SPATA17: variants seen among roughly 807,000 people sequenced by gnomAD.
The protein encoded by SPATA17 is spermatogenesis associated 17, also known as spermatogenesis-associated protein 17.
In SPATA17, 53 loss-of-function variants were observed where a neutral mutation model predicts 62.2. The observed-to-expected ratio is 0.85, with a 90% CI of 0.68 to 1.07. SPATA17 has a LOEUF of 1.07. Among genes scored for constraint, SPATA17 ranks in the 50% least tolerant of loss-of-function variants. The pLI is 0.00. For missense variants in SPATA17, 466 were observed against 425.5 expected (o/e 1.10, Z -0.84); for synonymous variants, 146 against 146.8 (o/e 0.99, Z 0.04).
chr1:217,792,936 G>T (rs532265107), intron 8 of SPATA17, among the ~76,000 whole-genome samples: 1 of 152,164 alleles, frequency 6.6e-6, no homozygotes, highest in South Asian at 2.1e-4. Flanking sequence ...TATATAAGAA[G>T]CATTGCAAAT....
intron 9 of SPATA17, among the ~76,000 whole-genome samples, chr1:217,821,520 A>G (rs1674862015): frequency 1.3e-5 from 2 of 152,126 alleles, no homozygotes; most frequent in African/African-American, 4.8e-5. Flanking sequence ...GTCACTGGTT[A>G]CTTAGCAGGA....
chr1:217,804,259 T>C (rs146987032), intron 9 of SPATA17, among the ~76,000 whole-genome samples: 420 of 152,284 alleles, frequency 2.8e-3, no homozygotes, highest in African/African-American at 9.8e-3. Flanking sequence ...CACACATTTG[T>C]GCTCAATTGA....
intron 5 of SPATA17, among the ~76,000 whole-genome samples, chr1:217,734,547 C>T (rs1203533191): frequency 2.6e-5 from 4 of 152,134 alleles, no homozygotes; most frequent in Non-Finnish European, 5.9e-5. Context: ...CACACACTGA[C>T]TTTACTTGCC....
intron 8 of SPATA17, among the ~76,000 whole-genome samples, chr1:217,786,865 C>G (rs532281613): frequency 1.5e-4 from 23 of 150,244 alleles, no homozygotes; most frequent in African/African-American, 2.9e-4. Context: ...TTAACTACCA[C>G]CTCTATGCCA....
chr1:217,669,784 G>T (rs958794959), intron 4 of SPATA17, among the ~76,000 whole-genome samples: 2 of 151,994 alleles, frequency 1.3e-5, no homozygotes, highest in African/African-American at 4.8e-5. Context: ...GCAAATAATG[G>T]ATTTTATTTT....
chr1:217,844,422 G>A (rs1264449329), intron 9 of SPATA17, among the ~76,000 whole-genome samples: 1 of 151,986 alleles, frequency 6.6e-6, no homozygotes, highest in African/African-American at 2.4e-5. Flanking sequence ...CATGCACCAA[G>A]GCTCGTGGGA....
chr1:217,707,167 G>A (rs534109599), intron 5 of SPATA17, among the ~76,000 whole-genome samples: 6 of 152,134 alleles, frequency 3.9e-5, no homozygotes, highest in African/African-American at 1.4e-4. Context: ...GCCTGGCCCT[G>A]TATTTCATTG....
chr1:217,648,613 CAAAT>C (rs1670240885), intron 1 of SPATA17, among the ~76,000 whole-genome samples: 1 of 151,968 alleles, frequency 6.6e-6, no homozygotes, highest in Non-Finnish European at 1.5e-5. Context: ...AAATCACTGG[CAAAT>C]TAATTAGTTG....
chr1:217,727,264 A>ATAG (rs1351341846), intron 5 of SPATA17, among the ~76,000 whole-genome samples: 1 of 147,786 alleles, frequency 6.8e-6, no homozygotes, highest in Non-Finnish European at 1.5e-5. Context: ...AATAATAATA[A>ATAG]TAATAATAAT....
intron 3 of SPATA17, among the ~76,000 whole-genome samples, chr1:217,657,435 A>T (rs1040609775): frequency 1.3e-5 from 2 of 152,166 alleles, no homozygotes; most frequent in African/African-American, 4.8e-5. Flanking sequence ...CCAGGAATGG[A>T]CAATCACATG....
chr1:217,768,514 C>T (rs1432634623), intron 6 of SPATA17, among the ~76,000 whole-genome samples: 4 of 144,234 alleles, frequency 2.8e-5, no homozygotes, highest in Admixed American at 7.0e-5. Context: ...TTTTTTAAGA[C>T]GGAATTTCAC....
At chr1:217,737,361 G>A (rs1261485729) in intron 5 of SPATA17, among the ~76,000 whole-genome samples, 2 of 152,170 alleles carry the variant, frequency 1.3e-5, no homozygotes, top group Non-Finnish European at 2.9e-5. Flanking sequence ...GCTCAATGAT[G>A]GTTAGAAAAG....
chr1:217,773,373 C>A (rs895545234), intron 6 of SPATA17, among the ~76,000 whole-genome samples: 6 of 151,970 alleles, frequency 3.9e-5, no homozygotes, highest in African/African-American at 1.5e-4. Context: ...AATGTAACTT[C>A]TCCTTTTAAA....
chr1:217,724,893 T>A (rs1361879285), intron 5 of SPATA17, among the ~76,000 whole-genome samples: 2 of 152,148 alleles, frequency 1.3e-5, no homozygotes, highest in Non-Finnish European at 2.9e-5. Context: ...AGGAAACAAA[T>A]CCTTTATCAT....
chr1:217,704,375 C>G (rs1671684496), intron 5 of SPATA17, among the ~76,000 whole-genome samples: 1 of 150,488 alleles, frequency 6.6e-6, no homozygotes, highest in East Asian at 1.9e-4. Flanking sequence ...CTCAGCCTCC[C>G]CAGTAGCTGG....
chr1:217,797,753 T>A (rs372131105), intron 8 of SPATA17, among the ~76,000 whole-genome samples: 84 of 152,318 alleles, frequency 5.5e-4, no homozygotes, highest in African/African-American at 1.8e-3. Flanking sequence ...TCTTTGCTTG[T>A]CAAATCAAGT....
intron 9 of SPATA17, among the ~76,000 whole-genome samples, chr1:217,826,399 A>G (rs1675003340): frequency 6.6e-6 from 1 of 152,092 alleles, no homozygotes; most frequent in Non-Finnish European, 1.5e-5. Flanking sequence ...GGAGTACACA[A>G]TTTAGTCTGT....
At chr1:217,747,498 A>T (rs1672790359) in intron 6 of SPATA17, among the ~76,000 whole-genome samples, 1 of 152,184 alleles carries the variant, frequency 6.6e-6, no homozygotes. Flanking sequence ...TCAAGATCCA[A>T]ATTATAAAAG....
intron 9 of SPATA17, among the ~76,000 whole-genome samples, chr1:217,855,243 T>G (rs1024045141): frequency 1.3e-5 from 2 of 152,232 alleles, no homozygotes; most frequent in Non-Finnish European, 2.9e-5. Context: ...TTCCCTTTAG[T>G]GCCAGTTTCA....
Sources: gnomAD v4.1 joint callset for allele counts (sites outside exome capture counted in the v4.1 genomes callset) on GRCh38, gnomAD v4.1.1 for gene constraint, MANE v1.5 for transcripts, NCBI Gene and HGNC (gene_info 2026-07-23, HGNC 2026-07-21) for gene names.